GNB3: variants seen among roughly 807,000 people sequenced by gnomAD.
GNB3 encodes guanine nucleotide-binding protein G(I)/G(S)/G(T) subunit beta-3.
In GNB3, 33 loss-of-function variants were observed where a neutral mutation model predicts 41.2. The ratio of observed to expected loss-of-function variants is 0.80; its 90% CI spans 0.61 to 1.07. The LOEUF is 1.07. GNB3 is among the 50% of genes least tolerant of loss of function. GNB3 has a pLI of 0.00. For missense variants in GNB3, 409 were observed against 455.3 expected (o/e 0.90, Z 0.92); for synonymous variants, 172 against 173.4 (o/e 0.99, Z 0.06).
chr12:6,846,946 C>A lies in GNB3; in HGVS notation c.*48C>A. 9.6e-7 allele frequency: 1 copy of A among 1,046,572 alleles called. No homozygotes were observed. The highest frequency in any genetic ancestry group is 1.5e-6 in the Non-Finnish European group (1 of 686,902). 64.8% of individuals were successfully genotyped at this position (1,046,572 alleles called of 1,614,324 possible). ...GAAGGCAGTGAACACACTCAGCAGC[C>A]CCCTGCCCGACCCCATCTCATTCAG... is the stretch of plus-strand genomic sequence containing the variant. On this transcript the variant is annotated 3_prime_UTR_variant, in exon 10 of 10. Coordinates refer to ENST00000229264, the MANE Select transcript of GNB3 (RefSeq NM_002075.4).
Position 6,843,212 on chromosome 12 carries a change from T to C in GNB3, c.242T>C (p.Val81Ala). The C allele has an allele frequency of 6.2e-7, 1 of 1,613,868 alleles. No homozygotes were observed. The highest frequency in any genetic ancestry group is 8.5e-7 in the Non-Finnish European group (1 of 1,179,850). ...GCCTCGCAAGATGGGAAGCTGATCG[T>C]GTGGGACAGCTACACCACCAACAAG... is the stretch of plus-strand genomic sequence containing the variant. The part of the protein sequence containing the change: ...VSASQDGKLI[V>A]WDSYTTNKVH... The change falls in exon 5 of 10, where the codon GTG becomes GCG. Residue 81 changes from valine to alanine, a missense_variant. Coordinates refer to ENST00000229264, the MANE Select transcript of GNB3 (RefSeq NM_002075.4). This position sits in a 1 kb window ranked among gnomAD's most constrained non-coding sequence, Gnocchi z 5.9.
chr12:6,844,013 T>A, intron 8 of GNB3, 35 bp downstream of exon 8: 1 of 1,485,000 alleles, frequency 6.7e-7, no homozygotes, highest in Non-Finnish European at 9.2e-7. Flanking sequence ...TCACTCCAAC[T>A]CCTTCCCCGA....
chr12:6,843,981 G>T lies in GNB3; in HGVS notation c.699+3G>T, dbSNP rs781936855. ...AGTCGGACATCAACGCCATCTGTGT[G>T]AGTGCACCCCCCACCCCAGCTTCAC... is the stretch of plus-strand genomic sequence containing the variant. On this transcript the variant is annotated splice_donor_region_variant and intron_variant, in intron 8 of 9. Coordinates refer to ENST00000229264, the MANE Select transcript of GNB3 (RefSeq NM_002075.4). The surrounding 1 kb of genome is among the most constrained non-coding windows in gnomAD (Gnocchi z 5.9). 6.2e-7 allele frequency: 1 copy of T among 1,602,252 alleles called. No homozygotes were observed. The highest frequency in any genetic ancestry group is 8.5e-7 in the Non-Finnish European group (1 of 1,172,816).
In GNB3 at chr12:6,840,945, C is replaced by T. The variant is rs1477046915; in HGVS notation, c.-119C>T. The T allele has an allele frequency of 1.4e-5, 5 of 349,774 alleles. No homozygotes were observed. Among genetic ancestry groups the T allele is most frequent in the Admixed American group, 4.6e-5 (1 of 21,634 alleles). The allele number at this position is 349,774 out of a possible 1,614,324, so 21.7% of individuals were successfully genotyped here. ...CTGGCAGCAGAGCCTGGGCAGGTGACGGGCGGGCGCGGGCGTCGCAGCTGA... is the reference window on the plus strand; with the variant it reads ...CTGGCAGCAGAGCCTGGGCAGGTGATGGGCGGGCGCGGGCGTCGCAGCTGA... On this transcript the variant is annotated 5_prime_UTR_variant, in exon 1 of 10. The change creates a new upstream start codon in the 5' untranslated region. Coordinates refer to ENST00000229264, the MANE Select transcript of GNB3 (RefSeq NM_002075.4).
Position 6,843,690 on chromosome 12 carries a change from C to T in GNB3, c.489C>T (p.Asp163=), listed in dbSNP as rs782022033. The change falls in exon 7 of 10, where the codon GAC becomes GAT. Residue 163 remains aspartate, a synonymous_variant. Transcript: ENST00000229264. The surrounding 1 kb of genome is among the most constrained non-coding windows in gnomAD (Gnocchi z 5.9). The part of the protein sequence containing the change: ...DDNNIVTSSG[D]TTCALWDIET... ...ACAATATTGTGACCAGCTCGGGGGA[C>T]ACCACGTGGTGAGGCTGAACATTGC... is the stretch of plus-strand genomic sequence containing the variant. The T allele has an allele frequency of 2.5e-6, 4 of 1,614,092 alleles. No homozygotes were observed. Among genetic ancestry groups the T allele is most frequent in the South Asian group, 1.1e-5 (1 of 91,078 alleles).
intron 9 of GNB3, 171 bp from the exon 10 acceptor site, chr12:6,846,621 G>A: frequency 7.2e-6 from 4 of 554,578 alleles, no homozygotes; most frequent in Non-Finnish European, 6.6e-6. Context: ...AAGCACACAT[G>A]CACACACACA....
intron 3 of GNB3, 38 bp downstream of exon 3, chr12:6,841,662 G>A (rs782693345): frequency 3.1e-5 from 47 of 1,517,284 alleles, no homozygotes; most frequent in East Asian, 6.8e-5. Context: ...GGGCATGGGG[G>A]GAGGGGAAGG....
chr12:6,841,238 C>A lies in GNB3; in HGVS notation c.-30-20C>A. 1 of 1,522,918 alleles carries A rather than the reference C, an allele frequency of 6.6e-7. No homozygotes were observed. Among genetic ancestry groups the A allele is most frequent in the Non-Finnish European group, 9.1e-7 (1 of 1,104,142 alleles). 94.3% of individuals were successfully genotyped at this position (1,522,918 alleles called of 1,614,324 possible). On this transcript the variant is annotated intron_variant, in intron 1 of 9. Coordinates refer to ENST00000229264, the MANE Select transcript of GNB3 (RefSeq NM_002075.4). The stretch of plus-strand genomic sequence containing the variant: ...AGCCTGGTGGGGGGTTCCTCAACAC[C>A]GACCCCATGTTCCTGGCAGGAGCCA...
intron 1 of GNB3, 62 bp downstream of exon 1, chr12:6,841,095 G>A: frequency 4.8e-6 from 3 of 621,392 alleles, no homozygotes; most frequent in South Asian, 1.9e-5. Context: ...GGCTCAGGCA[G>A]GCTGGGGCTG....
chr12:6,841,561 C>T (rs1264532582), intron 2 of GNB3, 25 bp from the exon 3 acceptor site: 1 of 1,610,194 alleles, frequency 6.2e-7, no homozygotes, highest in Non-Finnish European at 8.5e-7. Flanking sequence ...CGCCCTTGCT[C>T]CCCTGATGTC....
chr12:6,841,295 A>G lies in GNB3; in HGVS notation c.8A>G (p.Glu3Gly), dbSNP rs1317751990. The G allele has an allele frequency of 5.6e-6, 9 of 1,613,016 alleles. No homozygotes were observed. In the Admixed American group the frequency reaches 1.5e-4, roughly 27 times the overall value. ...CCCCTCGACCTGTCAGCCATGGGGGAGATGGAGCAACTGCGTCAGGAAGCG... is the reference window on the plus strand; with the variant it reads ...CCCCTCGACCTGTCAGCCATGGGGGGGATGGAGCAACTGCGTCAGGAAGCG... The part of the protein sequence containing the change: MG[E>G]MEQLRQEAEQ... The change falls in exon 2 of 10, where the codon GAG (glutamate) becomes GGG (glycine). Residue 3 changes from glutamate to glycine, a missense_variant. Transcript: ENST00000229264.
chr12:6,845,738 A>T lies in GNB3; in HGVS notation c.852A>T (p.Leu284=), dbSNP rs782316014. The change falls in exon 9 of 10, where the codon CTA becomes CTT. Residue 284 remains leucine (L), a synonymous_variant. Transcript: ENST00000229264. The part of the protein sequence containing the change: ...TSVAFSLSGR[L]LFAGYDDFNC... Reference sequence around the variant, plus strand: ...TGGCCTTCTCCCTCAGTGGCCGCCTACTATTCGCTGGCTACGACGACTTCA... The same window carrying T: ...TGGCCTTCTCCCTCAGTGGCCGCCTTCTATTCGCTGGCTACGACGACTTCA... The T allele has an allele frequency of 7.4e-6, 12 of 1,614,066 alleles. No individual in the cohort carries two copies. Among genetic ancestry groups the T allele is most frequent in the Non-Finnish European group, 9.3e-6 (11 of 1,179,978 alleles).
chr12:6,844,089 C>CGG (rs1789081571), intron 8 of GNB3, 111 bp downstream of exon 8: 2 of 377,316 alleles, frequency 5.3e-6, no homozygotes, highest in Non-Finnish European at 4.3e-6. Context: ...CCCTTTCTTA[C>CGG]TGTATTTTTT....
At chr12:6,845,418 G>A (rs984364528) in intron 8 of GNB3, 168 bp from the exon 9 acceptor site, 23 of 609,314 alleles carry the variant, frequency 3.8e-5, no homozygotes, top group African/African-American at 3.7e-5. Context: ...TCACTGGCAC[G>A]TGGTATGTGT....
chr12:6,846,844 C>T lies in GNB3; in HGVS notation c.969C>T (p.Asp323=), dbSNP rs373634972. The T allele has an allele frequency of 2.4e-5, 38 of 1,602,462 alleles. No individual in the cohort carries two copies. The highest frequency in any genetic ancestry group is 2.1e-4 in the African/African-American group (16 of 74,844). ...NRVSCLGVTA[D]GMAVATGSWD... ...TGAGCTGCCTGGGAGTCACAGCTGACGGGATGGCTGTGGCCACAGGTTCCT... is the reference window on the plus strand; with the variant it reads ...TGAGCTGCCTGGGAGTCACAGCTGATGGGATGGCTGTGGCCACAGGTTCCT... The change falls in exon 10 of 10, where the codon GAC becomes GAT. Residue 323 remains aspartate, a synonymous_variant. Transcript: ENST00000229264.
chr12:6,846,822 G>A lies in GNB3; in HGVS notation c.947G>A (p.Ser316Asn), dbSNP rs1555124845. The A allele has an allele frequency of 1.2e-6, 2 of 1,600,298 alleles. No individual in the cohort carries two copies. The highest frequency in any genetic ancestry group is 1.7e-5 in the Admixed American group (1 of 57,988). Reference protein sequence around the residue: ...GILSGHDNRVSCLGVTADGMA... With the variant: ...GILSGHDNRVNCLGVTADGMA... ...CTCTCTGGCCACGATAACAGGGTGA[G>A]CTGCCTGGGAGTCACAGCTGACGGG... Residue 316 changes from serine (S) to asparagine (N), a missense_variant, in exon 10 of 10, where the codon AGC (serine) becomes AAC (asparagine). Physicochemically the swap from Ser to Asn is conservative, Grantham distance 46 (BLOSUM62 1). Coordinates refer to ENST00000229264, the MANE Select transcript of GNB3 (RefSeq NM_002075.4).
rs34871066 is a variant in GNB3, at chr12:6,844,093, ATTTTTTTTT to A, written c.699+133_699+141del. Reference sequence around the variant, plus strand: ...AGCTTCCCTAGCCCTTTCTTACTGTATTTTTTTTTTTTTTTTTTTTTTTTTTGAGACAGA... The same window carrying A: ...AGCTTCCCTAGCCCTTTCTTACTGTATTTTTTTTTTTTTTTTTGAGACAGA... On this transcript the variant is annotated intron_variant, in intron 8 of 9. Transcript: ENST00000229264. The A allele has an allele frequency of 1.8e-4, 46 of 258,164 alleles. No homozygotes were observed. Among genetic ancestry groups the A allele is most frequent in the East Asian group, 1.7e-3 (24 of 14,426 alleles). 16.0% of individuals were successfully genotyped at this position (258,164 alleles called of 1,614,324 possible).
rs1257312675 is a variant in GNB3 at position 6,847,195 on chromosome 12, G to C, written c.*297G>C. On this transcript the variant is annotated 3_prime_UTR_variant, in exon 10 of 10. Coordinates refer to ENST00000229264, the MANE Select transcript of GNB3 (RefSeq NM_002075.4). ...AGCCCTTTGCAGGCCCAGCAGACTT[G>C]AGTCTGAGGCCCCAGGCCCTAGGAT... The C allele has an allele frequency of 5.3e-6, 2 of 377,202 alleles. No homozygotes were observed. Among genetic ancestry groups the C allele is most frequent in the Non-Finnish European group, 9.9e-6 (2 of 202,756 alleles). 23.4% of individuals were successfully genotyped at this position (377,202 alleles called of 1,614,324 possible).
chr12:6,841,684 C>A (rs1180805266), intron 3 of GNB3, 60 bp downstream of exon 3: 4 of 1,237,434 alleles, frequency 3.2e-6, no homozygotes, highest in Non-Finnish European at 3.5e-6. Context: ...AGCTCCCCGA[C>A]CCGCAATAGC....
Sources: allele counts gnomAD v4.1 joint callset, GRCh38; gene constraint gnomAD v4.1.1; non-coding constraint Gnocchi (gnomAD v3.1); transcripts MANE v1.5; gene names NCBI Gene and HGNC (gene_info 2026-07-23, HGNC 2026-07-21).